Variants in ICA1 observed in about 807,000 individuals in gnomAD.
The protein encoded by ICA1 is islet cell autoantigen 1, also known as 69 kDa islet cell autoantigen.
A neutral mutation model predicts 71.0 loss-of-function variants in ICA1; 40 were observed. That is an observed-to-expected ratio of 0.56 (90% CI 0.44 to 0.73). ICA1 has a LOEUF of 0.73. Ranked by LOEUF, ICA1 falls within the 30% of genes least tolerant of loss-of-function variation. The probability of loss-of-function intolerance (pLI) is 0.00; values close to 1 mark genes in which losing one functional copy is unlikely to be tolerated. For synonymous variants in ICA1, 207 were observed against 209.5 expected, an observed-to-expected ratio of 0.99 and a Z score of 0.10; for missense variants, 578 against 576.5, an observed-to-expected ratio of 1.00 and a Z score of -0.03.
chr7:8,194,090 C>A (rs892486830), intron 6 of ICA1, among the ~76,000 whole-genome samples: 1 of 152,198 alleles, frequency 6.6e-6, no homozygotes, highest in African/African-American at 2.4e-5. Flanking sequence ...GCCCCTTAAA[C>A]TGGTAACAGG....
chr7:8,226,357 T>C lies in ICA1; in HGVS notation c.256+2244A>G, dbSNP rs1282939109. Among the ~76,000 whole-genome samples the C allele has an allele frequency of 2.0e-5, 3 of 152,190 alleles. No homozygotes were observed. Among genetic ancestry groups the C allele is most frequent in the Non-Finnish European group, 4.4e-5 (3 of 68,036 alleles). On this transcript the variant is annotated intron_variant, in intron 4 of 13. Transcript: ENST00000402384. The surrounding 1 kb of genome is among the most constrained non-coding windows in gnomAD (Gnocchi z 4.4). Reference sequence around the variant, plus strand: ...CTTGCTCTCTAGATATAGATATAGATATAGATGGTAAAATGTGATGCAATG... The same window carrying C: ...CTTGCTCTCTAGATATAGATATAGACATAGATGGTAAAATGTGATGCAATG...
intron 12 of ICA1, among the ~76,000 whole-genome samples, chr7:8,131,348 G>C (rs1414591924): frequency 1.3e-5 from 2 of 152,038 alleles, no homozygotes; most frequent in East Asian, 3.8e-4. Flanking sequence ...TTTCAAATAG[G>C]GTTTTTCTAT....
chr7:8,121,561 T>G (rs1177922591), intron 13 of ICA1, among the ~76,000 whole-genome samples: 3 of 152,150 alleles, frequency 2.0e-5, no homozygotes, highest in African/African-American at 7.2e-5. Context: ...AACAATTCAG[T>G]TCATGGAAAT....
At chr7:8,157,290 C>G (rs1273510655) in intron 7 of ICA1, 76 bp from the exon 8 acceptor site, 3 of 1,330,520 alleles carry the variant, frequency 2.3e-6, no homozygotes, top group Non-Finnish European at 3.1e-6. Flanking sequence ...AAGTATGACT[C>G]TCTGTAGCTT....
intron 3 of ICA1, among the ~76,000 whole-genome samples, chr7:8,231,731 T>C (rs76129722): frequency 0.049 from 7,494 of 152,292 alleles, 386 homozygotes; most frequent in African/African-American, 0.13. Context: ...GGGTCTGGTC[T>C]ACCCTCATGT....
rs202049966 is a variant in ICA1 at position 8,195,977 on chromosome 7, C to CACAACAACAACA, written c.579+22316_579+22327dup. The stretch of plus-strand genomic sequence containing the variant: ...TGGGCAACAGAGTGAGGCTCCGTCT[C>CACAACAACAACA]ACAACAACAACAACAACAACAACAC... On this transcript the variant is annotated intron_variant, in intron 6 of 13. Coordinates refer to ENST00000402384, the MANE Select transcript of ICA1 (RefSeq NM_001136020.3). 1.7e-3 allele frequency among the ~76,000 whole-genome samples: 225 copies of CACAACAACAACA among 129,322 alleles called. 1 individual carries two copies. Among genetic ancestry groups the CACAACAACAACA allele is most frequent in the African/African-American group, 4.8e-3 (195 of 40,582 alleles). The allele number at this position is 129,322 out of a possible 152,430, so 84.8% of individuals were successfully genotyped here.
chr7:8,212,410 C>G (rs990217894), intron 6 of ICA1, among the ~76,000 whole-genome samples: 6 of 152,052 alleles, frequency 3.9e-5, no homozygotes, highest in East Asian at 1.9e-4. Context: ...ACTAAAAATA[C>G]AAAAATTAGC....
chr7:8,154,373 C>A (rs1159019103), intron 8 of ICA1, among the ~76,000 whole-genome samples: 1 of 152,172 alleles, frequency 6.6e-6, no homozygotes, highest in East Asian at 1.9e-4. Flanking sequence ...ACAGGATGCA[C>A]CGAGTGTTTA....
intron 6 of ICA1, among the ~76,000 whole-genome samples, chr7:8,204,070 A>G (rs920561305): frequency 5.4e-5 from 8 of 147,964 alleles, no homozygotes; most frequent in African/African-American, 2.1e-4. Flanking sequence ...GTGAGAAGGA[A>G]AAAAAAAAGC....
intron 6 of ICA1, among the ~76,000 whole-genome samples, chr7:8,205,941 G>A (rs906339055): frequency 6.6e-5 from 10 of 152,190 alleles, no homozygotes; most frequent in African/African-American, 2.4e-4. Flanking sequence ...TCGAAGGCCT[G>A]GAGTTGGGTT....
At chr7:8,203,410 G>T (rs3823820) in intron 6 of ICA1, among the ~76,000 whole-genome samples, 10,500 of 152,090 alleles carry the variant, frequency 0.069, 600 homozygotes, top group East Asian at 0.36. Flanking sequence ...TTCTAAAATA[G>T]AGCAAAATTG....
intron 1 of ICA1, among the ~76,000 whole-genome samples, chr7:8,241,425 A>G (rs961959133): frequency 1.3e-5 from 2 of 152,220 alleles, no homozygotes; most frequent in South Asian, 4.1e-4. Flanking sequence ...AGCACTAAAC[A>G]TGGAAAGGAA....
intron 3 of ICA1, among the ~76,000 whole-genome samples, chr7:8,231,204 C>T (rs533666289): frequency 8.3e-4 from 127 of 152,166 alleles, no homozygotes; most frequent in African/African-American, 3.0e-3. Context: ...CCAGCAAATG[C>T]TCTGATGGGT....
At chr7:8,184,552 T>C (rs1783283466) in intron 6 of ICA1, among the ~76,000 whole-genome samples, 1 of 152,204 alleles carries the variant, frequency 6.6e-6, no homozygotes, top group Non-Finnish European at 1.5e-5. Context: ...AATATATAAA[T>C]CACAAGATAG....
intron 6 of ICA1, among the ~76,000 whole-genome samples, chr7:8,182,953 G>GT (rs1782674941): frequency 6.6e-6 from 1 of 152,142 alleles, no homozygotes; most frequent in African/African-American, 2.4e-5. Flanking sequence ...CAGCTTCCCA[G>GT]TAAAAACATT....
At chr7:8,129,578 G>A (rs1790655523) in intron 12 of ICA1, among the ~76,000 whole-genome samples, 1 of 152,164 alleles carries the variant, frequency 6.6e-6, no homozygotes, top group African/African-American at 2.4e-5. Context: ...ACTGTCTAAT[G>A]TAAGCATTCT....
At chr7:8,236,363 T>C (rs1801841724) in intron 1 of ICA1, among the ~76,000 whole-genome samples, 1 of 152,204 alleles carries the variant, frequency 6.6e-6, no homozygotes, top group South Asian at 2.1e-4. Context: ...TTAGGAATGA[T>C]GAACACTAAG....
At chr7:8,205,631 T>C (rs902487219) in intron 6 of ICA1, among the ~76,000 whole-genome samples, 1 of 152,234 alleles carries the variant, frequency 6.6e-6, no homozygotes, top group African/African-American at 2.4e-5. Context: ...GTTTGATTTA[T>C]GGCAATTGAT....
chr7:8,246,341 T>C (rs113205931), intron 1 of ICA1, among the ~76,000 whole-genome samples: 2 of 152,190 alleles, frequency 1.3e-5, no homozygotes, highest in Admixed American at 6.5e-5. Context: ...CAAGGATGAA[T>C]AGATCAATGG....
Sources: allele counts gnomAD v4.1 joint callset (sites outside exome capture counted in the v4.1 genomes callset), GRCh38; gene constraint gnomAD v4.1.1; non-coding constraint Gnocchi (gnomAD v3.1); transcripts MANE v1.5; gene names NCBI Gene and HGNC (gene_info 2026-07-23, HGNC 2026-07-21).